CHCHD3: variants seen among roughly 807,000 people sequenced by gnomAD.
CHCHD3 encodes the protein coiled-coil-helix-coiled-coil-helix domain containing 3, also known as MICOS complex subunit MIC19.
CHCHD3 carries 20 observed loss-of-function variants against 38.2 expected under a neutral mutation model. The observed-to-expected ratio is 0.52, with a 90% CI of 0.37 to 0.76. CHCHD3 has a LOEUF of 0.76. Ranked by LOEUF, CHCHD3 falls within the 30% of genes least tolerant of loss-of-function variation. The pLI is 0.00. For synonymous variants in CHCHD3, 82 were observed against 100.0 expected, an observed-to-expected ratio of 0.82 and a Z score of 1.07; for missense variants, 245 against 279.2, an observed-to-expected ratio of 0.88 and a Z score of 0.87.
chr7:133,065,089 A>G (rs191920286), intron 2 of CHCHD3, among the ~76,000 whole-genome samples: 171 of 152,322 alleles, frequency 1.1e-3, no homozygotes, highest in African/African-American at 3.9e-3. Flanking sequence ...ACATCTCCTT[A>G]TGTCAGCCTA....
chr7:132,883,021 A>G (rs886858849), intron 5 of CHCHD3, among the ~76,000 whole-genome samples: 5 of 141,708 alleles, frequency 3.5e-5, no homozygotes, highest in African/African-American at 1.3e-4. Flanking sequence ...GTTTAAAAGT[A>G]GTTTCCCCTG....
chr7:132,817,641 G>A (rs1318228781), intron 6 of CHCHD3, among the ~76,000 whole-genome samples: 3 of 152,056 alleles, frequency 2.0e-5, no homozygotes, highest in Non-Finnish European at 4.4e-5. Context: ...GTAATTACTC[G>A]ATCACTGACA....
At chr7:132,975,667 A>C (rs181430317) in intron 3 of CHCHD3, among the ~76,000 whole-genome samples, 2 of 152,276 alleles carry the variant, frequency 1.3e-5, no homozygotes, top group Admixed American at 1.3e-4. Context: ...GTGGCAGCTC[A>C]CACCTGTAAT....
At chr7:133,076,543 C>T (rs1814996499) in intron 1 of CHCHD3, among the ~76,000 whole-genome samples, 1 of 152,186 alleles carries the variant, frequency 6.6e-6, no homozygotes. Flanking sequence ...ACAGAGCTTG[C>T]CAAGTTTAAA....
At chr7:133,046,888 T>C (rs997580265) in intron 2 of CHCHD3, among the ~76,000 whole-genome samples, 4 of 152,146 alleles carry the variant, frequency 2.6e-5, no homozygotes, top group Non-Finnish European at 1.5e-5. Flanking sequence ...AAAAGTAAAA[T>C]GGATCCACAG....
chr7:133,053,241 T>C (rs560496512), intron 2 of CHCHD3, among the ~76,000 whole-genome samples: 1 of 152,322 alleles, frequency 6.6e-6, no homozygotes, highest in African/African-American at 2.4e-5. Context: ...GGCTTAAATA[T>C]CTATCAATAT....
At chr7:132,844,327 G>A (rs1808017859) in intron 5 of CHCHD3, among the ~76,000 whole-genome samples, 1 of 152,068 alleles carries the variant, frequency 6.6e-6, no homozygotes, top group Non-Finnish European at 1.5e-5. Context: ...GAGAAAGAAA[G>A]ATGTCCATGA....
intron 4 of CHCHD3, among the ~76,000 whole-genome samples, chr7:132,969,345 G>C (rs1210782847): frequency 6.6e-6 from 1 of 152,066 alleles, no homozygotes; most frequent in Non-Finnish European, 1.5e-5. Context: ...GATACAGTAG[G>C]TGTTTAATAA....
At chr7:132,802,841 A>G (rs957397409) in intron 6 of CHCHD3, among the ~76,000 whole-genome samples, 1 of 152,088 alleles carries the variant, frequency 6.6e-6, no homozygotes, top group Non-Finnish European at 1.5e-5. Context: ...CCATGTACTC[A>G]TGGGATGCTA....
At chr7:132,825,588 G>C (rs1807489488) in intron 6 of CHCHD3, among the ~76,000 whole-genome samples, 1 of 152,210 alleles carries the variant, frequency 6.6e-6, no homozygotes, top group Admixed American at 6.5e-5. Context: ...ATCAGGAAAA[G>C]ACAAGAACTG....
At chr7:132,878,412 T>A (rs1019648445) in intron 5 of CHCHD3, among the ~76,000 whole-genome samples, 3 of 152,336 alleles carry the variant, frequency 2.0e-5, no homozygotes, top group African/African-American at 7.2e-5. Flanking sequence ...CACTTTATGA[T>A]GCAATAAAAG....
intron 3 of CHCHD3, among the ~76,000 whole-genome samples, chr7:132,987,213 T>G (rs1010806309): frequency 3.9e-5 from 6 of 152,176 alleles, no homozygotes; most frequent in African/African-American, 1.4e-4. Context: ...TGATAATCTA[T>G]GAAAAGGACT....
chr7:132,955,624 TAAAGAA>T (rs888998282), intron 4 of CHCHD3, among the ~76,000 whole-genome samples: 2 of 152,052 alleles, frequency 1.3e-5, no homozygotes, highest in African/African-American at 4.8e-5. Flanking sequence ...ATGGGCCTGT[TAAAGAA>T]AAAGTTGTTC....
intron 2 of CHCHD3, among the ~76,000 whole-genome samples, chr7:133,030,797 TTA>T (rs1813479827): frequency 6.6e-6 from 1 of 152,194 alleles, no homozygotes; most frequent in South Asian, 2.1e-4. Flanking sequence ...TGTCAATTAG[TTA>T]TAGATATAAA....
intron 4 of CHCHD3, among the ~76,000 whole-genome samples, chr7:132,952,094 C>T (rs1175061299): frequency 6.6e-6 from 1 of 152,200 alleles, no homozygotes; most frequent in East Asian, 1.9e-4. Context: ...TGCATATGGG[C>T]ACAGAGGCCT....
chr7:132,952,866 C>T (rs1296501274), intron 4 of CHCHD3, among the ~76,000 whole-genome samples: 6 of 152,188 alleles, frequency 3.9e-5, no homozygotes, highest in Non-Finnish European at 7.3e-5. Flanking sequence ...CAGTAAAATA[C>T]TGCACTTTTC....
chr7:133,057,720 G>A (rs1017078595), intron 2 of CHCHD3, among the ~76,000 whole-genome samples: 1 of 152,114 alleles, frequency 6.6e-6, no homozygotes, highest in East Asian at 1.9e-4. Flanking sequence ...TAGTGCCTAT[G>A]TCAGTAGAGG....
intron 2 of CHCHD3, among the ~76,000 whole-genome samples, chr7:133,025,903 C>T (rs984105519): frequency 6.6e-6 from 1 of 152,192 alleles, no homozygotes; most frequent in Non-Finnish European, 1.5e-5. Context: ...CTTAGTCCCA[C>T]AGCATATGCA....
intron 4 of CHCHD3, among the ~76,000 whole-genome samples, chr7:132,943,089 A>G (rs559803559): frequency 6.6e-6 from 1 of 152,310 alleles, no homozygotes; most frequent in South Asian, 2.1e-4. Flanking sequence ...AGACCTTTTC[A>G]TGAATAAACT....
Sources: allele counts gnomAD v4.1 joint callset (sites outside exome capture counted in the v4.1 genomes callset), GRCh38; gene constraint gnomAD v4.1.1; transcripts MANE v1.5; gene names NCBI Gene and HGNC (gene_info 2026-07-23, HGNC 2026-07-21).